The following FAM185A variants were observed in gnomAD, a reference collection of about 807,000 sequenced individuals.
FAM185A encodes the protein protein FAM185A.
FAM185A carries 21 observed loss-of-function variants against 45.7 expected under a neutral mutation model. That is an observed-to-expected ratio of 0.46 (90% CI 0.33 to 0.66). The LOEUF is 0.66. FAM185A is among the 30% of genes least tolerant of loss of function. The pLI is 0.03. For synonymous variants in FAM185A, 117 were observed against 194.0 expected (o/e 0.60, Z 3.30); for missense variants, 305 against 485.4 (o/e 0.63, Z 3.49).
intron 5 of FAM185A, among the ~76,000 whole-genome samples, chr7:102,776,716 A>AC (rs1051087434): frequency 6.6e-6 from 1 of 151,382 alleles, no homozygotes; most frequent in African/African-American, 2.4e-5. Flanking sequence ...AAAAAAAAAA[A>AC]AAAGAAAAAA....
chr7:102,751,597 T>G, intron 1 of FAM185A, 95 bp from the exon 2 acceptor site: 6 of 1,404,684 alleles, frequency 4.3e-6, no homozygotes, highest in South Asian at 3.3e-5. Context: ...TCAGCAATAT[T>G]ACGGACATAA....
intron 7 of FAM185A, among the ~76,000 whole-genome samples, chr7:102,793,972 A>G (rs1182162493): frequency 1.4e-5 from 2 of 147,238 alleles, no homozygotes; most frequent in East Asian, 4.2e-4. Context: ...CCCAGGAGGC[A>G]GAGATTGCAG....
chr7:102,822,095 T>C, the FAM185A span: 1 of 1,614,230 alleles, frequency 6.2e-7, no homozygotes, highest in South Asian at 1.1e-5. Context: ...TTGCAGCCTA[T>C]CTGAAGGTCC....
Position 102,749,453 on chromosome 7 carries a change from G to T in FAM185A, c.246G>T (p.Pro82=). 4 of 1,547,616 alleles carry T rather than the reference G, an allele frequency of 2.6e-6. No homozygotes were observed. Among genetic ancestry groups the T allele is most frequent in the African/African-American group, 1.4e-5 (1 of 73,052 alleles). Residue 82 remains proline, a synonymous_variant, in exon 1 of 8, where the codon CCG becomes CCT. Coordinates refer to ENST00000413034, the MANE Select transcript of FAM185A (RefSeq NM_001145268.2). ...TTGGTCGGCTGCGGGCGCGGCTCCC[G>T]TGCCACCTGGCCGTGAGGCCCCTGG... The part of the protein sequence containing the change: ...SPFGRLRARL[P]CHLAVRPLDP...
chr7:102,827,411 T>C, the FAM185A span, among the ~76,000 whole-genome samples: 1 of 152,126 alleles, frequency 6.6e-6, no homozygotes, highest in Non-Finnish European at 1.5e-5. Flanking sequence ...GAAAATAAAA[T>C]GGTAGTTGTC....
chr7:102,806,593 A>G (rs1289122557), intron 7 of FAM185A, among the ~76,000 whole-genome samples: 2 of 152,098 alleles, frequency 1.3e-5, no homozygotes, highest in African/African-American at 4.8e-5. Context: ...TGTGCTTGAG[A>G]AGAGTCCACA....
At chr7:102,769,122 A>G (rs1327304823) in intron 4 of FAM185A, among the ~76,000 whole-genome samples, 2 of 152,108 alleles carry the variant, frequency 1.3e-5, no homozygotes, top group Non-Finnish European at 2.9e-5. Context: ...GTTTTTGTTT[A>G]CTGTTTTATT....
At chr7:102,807,574 A>T (rs1437048973) in intron 7 of FAM185A, among the ~76,000 whole-genome samples, 1 of 152,124 alleles carries the variant, frequency 6.6e-6, no homozygotes, top group Non-Finnish European at 1.5e-5. Flanking sequence ...ATTTGAAACA[A>T]TGCTGGTCCC....
At chr7:102,807,325 T>G (rs1797180186) in intron 7 of FAM185A, among the ~76,000 whole-genome samples, 1 of 152,184 alleles carries the variant, frequency 6.6e-6, no homozygotes, top group Non-Finnish European at 1.5e-5. Context: ...ATGTCAAAAC[T>G]TACTACATTG....
chr7:102,822,264 C>G, the FAM185A span: 2 of 1,520,736 alleles, frequency 1.3e-6, no homozygotes, highest in African/African-American at 2.8e-5. Flanking sequence ...AAGAACAGTG[C>G]CTTAGTCACT....
At chr7:102,836,500 C>T in the FAM185A span, among the ~76,000 whole-genome samples, 17 of 152,296 alleles carry the variant, frequency 1.1e-4, no homozygotes, top group African/African-American at 3.1e-4. Context: ...ATACTTCTAT[C>T]GATGCTGCTG....
At chr7:102,752,681 C>T (rs1793445119) in intron 2 of FAM185A, among the ~76,000 whole-genome samples, 1 of 150,810 alleles carries the variant, frequency 6.6e-6, no homozygotes, top group Non-Finnish European at 1.5e-5. Flanking sequence ...CTGCCTTGGG[C>T]TCATGAAGTG....
chr7:102,790,223 G>GT (rs1311518218), intron 7 of FAM185A, among the ~76,000 whole-genome samples: 1 of 152,140 alleles, frequency 6.6e-6, no homozygotes, highest in Non-Finnish European at 1.5e-5. Context: ...TTTTATGACA[G>GT]TGGAGTGGGT....
downstream of FAM185A, chr7:102,813,364 CTGTA>C: frequency 6.2e-7 from 1 of 1,613,582 alleles, no homozygotes; most frequent in South Asian, 1.1e-5. Context: ...GTCTTCACTG[CTGTA>C]TGTTGACTTT....
At position 102,767,704 on chromosome 7, in the gene FAM185A, CTA is replaced by C. The variant is rs1408474324; in HGVS notation, c.794-4704_794-4703del. On this transcript the variant is annotated intron_variant, in intron 4 of 7. Coordinates refer to ENST00000413034, the MANE Select transcript of FAM185A (RefSeq NM_001145268.2). ...TTCAAATCTATGTCTCTAGCCCTGA[CTA>C]ATTTATACATCCATCTGGCAGGTAG... Among the ~76,000 whole-genome samples, 3 of 152,228 alleles carry C rather than the reference CTA, an allele frequency of 2.0e-5. No homozygotes were observed. The East Asian group carries it at 5.8e-4, about 29-fold the overall frequency.
At chr7:102,836,667 A>G in the FAM185A span, among the ~76,000 whole-genome samples, 5 of 152,236 alleles carry the variant, frequency 3.3e-5, no homozygotes, top group Admixed American at 6.5e-5. Context: ...GAAAACTTCC[A>G]TATCTCTTAG....
chr7:102,799,594 G>A (rs3933460), intron 7 of FAM185A, among the ~76,000 whole-genome samples: 31,364 of 148,586 alleles, frequency 0.21, 3,754 homozygotes, highest in East Asian at 0.53. Context: ...GAAAATATTT[G>A]TGATGAAATG....
chr7:102,800,512 G>A (rs1584361616), intron 7 of FAM185A, among the ~76,000 whole-genome samples: 1 of 152,052 alleles, frequency 6.6e-6, no homozygotes, highest in Admixed American at 6.6e-5. Context: ...AATAAGTGAA[G>A]GGAGAAATAT....
chr7:102,769,167 C>T (rs185535214), intron 4 of FAM185A, among the ~76,000 whole-genome samples: 100 of 152,238 alleles, frequency 6.6e-4, no homozygotes, highest in Non-Finnish European at 1.1e-3. Flanking sequence ...GTGTTACTTA[C>T]AACTAGACAG....
Sources: allele counts gnomAD v4.1 joint callset (sites outside exome capture counted in the v4.1 genomes callset), GRCh38; gene constraint gnomAD v4.1.1; transcripts MANE v1.5; gene names NCBI Gene and HGNC (gene_info 2026-07-23, HGNC 2026-07-21).